The following GRIK2 variants were observed in gnomAD, a reference collection of about 807,000 sequenced individuals.
GRIK2 encodes the protein glutamate receptor ionotropic, kainate 2.
A neutral mutation model predicts 100.3 loss-of-function variants in GRIK2; 32 were observed. That is an observed-to-expected ratio of 0.32 (90% CI 0.24 to 0.43). GRIK2 has a LOEUF of 0.43. GRIK2 is among the 20% of genes least tolerant of loss of function. The pLI is 1.00. For missense variants in GRIK2, 843 were observed against 1,114.9 expected (o/e 0.76, Z 3.47); for synonymous variants, 417 against 389.4 (o/e 1.07, Z -0.83).
At chr6:101,422,637 A>C (rs1251965592) in intron 2 of GRIK2, among the ~76,000 whole-genome samples, 1 of 151,994 alleles carries the variant, frequency 6.6e-6, no homozygotes, top group Non-Finnish European at 1.5e-5. Flanking sequence ...CCAGGCTTTC[A>C]CATTTACTCC....
intron 14 of GRIK2, among the ~76,000 whole-genome samples, chr6:102,029,654 A>G (rs1237508469): frequency 6.6e-6 from 1 of 151,204 alleles, no homozygotes; most frequent in African/African-American, 2.4e-5. Context: ...GTATGACCCC[A>G]TGGGTGTTTA....
At chr6:101,742,458 T>C (rs559533001) in intron 7 of GRIK2, among the ~76,000 whole-genome samples, 16 of 152,268 alleles carry the variant, frequency 1.1e-4, no homozygotes, top group Non-Finnish European at 2.1e-4. Flanking sequence ...TATGAGTGAC[T>C]GTGGCCCATG....
At chr6:101,580,499 A>T (rs1480018853) in intron 2 of GRIK2, among the ~76,000 whole-genome samples, 2 of 152,044 alleles carry the variant, frequency 1.3e-5, no homozygotes, top group African/African-American at 4.8e-5. Context: ...ATTATTTCAC[A>T]TCTCCATTAT....
intron 10 of GRIK2, among the ~76,000 whole-genome samples, chr6:101,843,257 T>A (rs1470798170): frequency 6.6e-6 from 1 of 152,150 alleles, no homozygotes; most frequent in African/African-American, 2.4e-5. Flanking sequence ...TAATCAGCAA[T>A]AATTATATCT....
At chr6:101,558,000 G>A (rs1337561728) in intron 2 of GRIK2, among the ~76,000 whole-genome samples, 1 of 152,140 alleles carries the variant, frequency 6.6e-6, no homozygotes, top group Non-Finnish European at 1.5e-5. Context: ...CCCTTCGGTA[G>A]CAAATTGTAG....
intron 7 of GRIK2, among the ~76,000 whole-genome samples, chr6:101,755,580 T>C (rs1777087600): frequency 6.6e-6 from 1 of 152,172 alleles, no homozygotes; most frequent in Non-Finnish European, 1.5e-5. Context: ...GGAGATATAA[T>C]GGGAGAAAAT....
chr6:101,508,310 C>T (rs895586284), intron 2 of GRIK2, among the ~76,000 whole-genome samples: 9 of 152,168 alleles, frequency 5.9e-5, no homozygotes, highest in Admixed American at 1.3e-4. Flanking sequence ...TAAGTTTCTG[C>T]TCTTTGAGAC....
chr6:102,065,568 T>C (rs2114537321), intron 16 of GRIK2, among the ~76,000 whole-genome samples: 1 of 151,556 alleles, frequency 6.6e-6, no homozygotes, highest in East Asian at 1.9e-4. Flanking sequence ...TTAACATTTA[T>C]ACTCTATTCT....
intron 14 of GRIK2, among the ~76,000 whole-genome samples, chr6:101,943,085 C>A (rs1260157570): frequency 6.6e-6 from 1 of 152,204 alleles, no homozygotes; most frequent in African/African-American, 2.4e-5. Flanking sequence ...CAGGACATGG[C>A]ACCCTGAGTA....
At chr6:101,873,763 T>C (rs1582428434) in intron 11 of GRIK2, among the ~76,000 whole-genome samples, 1 of 151,856 alleles carries the variant, frequency 6.6e-6, no homozygotes, top group Non-Finnish European at 1.5e-5. Context: ...ACCTGTTGTT[T>C]CCTGACTTTT....
chr6:101,676,299 T>G (rs1421817883), intron 4 of GRIK2, among the ~76,000 whole-genome samples: 1 of 152,166 alleles, frequency 6.6e-6, no homozygotes, highest in Non-Finnish European at 1.5e-5. Context: ...CTTTTAGTCA[T>G]GTGTTTCTTT....
intron 11 of GRIK2, among the ~76,000 whole-genome samples, chr6:101,883,013 A>T (rs1385267624): frequency 6.6e-6 from 1 of 151,268 alleles, no homozygotes; most frequent in Non-Finnish European, 1.5e-5. Flanking sequence ...TCATTTTTTA[A>T]AATTATTTTT....
intron 10 of GRIK2, among the ~76,000 whole-genome samples, chr6:101,852,256 G>C (rs1784176525): frequency 6.6e-6 from 1 of 152,080 alleles, no homozygotes; most frequent in Admixed American, 6.6e-5. Context: ...AATCAATAGA[G>C]CTAATTTACT....
intron 14 of GRIK2, among the ~76,000 whole-genome samples, chr6:101,953,142 A>G (rs905657400): frequency 6.6e-6 from 1 of 152,232 alleles, no homozygotes; most frequent in Non-Finnish European, 1.5e-5. Flanking sequence ...CTACATTGAT[A>G]TAACAAATTT....
intron 7 of GRIK2, among the ~76,000 whole-genome samples, chr6:101,793,746 G>T (rs1373573146): frequency 6.6e-6 from 1 of 152,168 alleles, no homozygotes; most frequent in East Asian, 1.9e-4. Flanking sequence ...AAAGCTGTCA[G>T]ACAGGGACAT....
intron 14 of GRIK2, among the ~76,000 whole-genome samples, chr6:102,009,866 C>A (rs1269860601): frequency 6.6e-6 from 1 of 151,932 alleles, no homozygotes; most frequent in Non-Finnish European, 1.5e-5. Context: ...TGGGAAAAAC[C>A]ATTAATAAGT....
intron 10 of GRIK2, among the ~76,000 whole-genome samples, chr6:101,838,721 G>A (rs1420532835): frequency 3.4e-5 from 5 of 149,238 alleles, no homozygotes; most frequent in Admixed American, 1.3e-4. Context: ...GTGCGATCTC[G>A]GCTCACTGCA....
intron 2 of GRIK2, among the ~76,000 whole-genome samples, chr6:101,554,900 A>G (rs1776668230): frequency 6.6e-6 from 1 of 152,174 alleles, no homozygotes; most frequent in Admixed American, 6.5e-5. Context: ...TGACCACTCA[A>G]AACTGAATAG....
chr6:102,031,605 C>T (rs150313222), intron 14 of GRIK2, among the ~76,000 whole-genome samples: 41 of 151,188 alleles, frequency 2.7e-4, no homozygotes, highest in Non-Finnish European at 4.2e-4. Context: ...TGTTTTCAAC[C>T]GTTGCCCCCA....
Sources: allele counts gnomAD v4.1 joint callset (sites outside exome capture counted in the v4.1 genomes callset), GRCh38; gene constraint gnomAD v4.1.1; transcripts MANE v1.5; gene names NCBI Gene and HGNC (gene_info 2026-07-23, HGNC 2026-07-21).